XPO5: variants seen among roughly 807,000 people sequenced by gnomAD.
XPO5 encodes the protein exportin-5.
Under a neutral mutation model 160.6 loss-of-function variants are expected in XPO5, and 46 were observed. That is an observed-to-expected ratio of 0.29 (90% CI 0.23 to 0.37). The LOEUF (loss-of-function observed/expected upper bound fraction) is 0.37. Ranked by LOEUF, XPO5 falls within the 10% of genes least tolerant of loss-of-function variation. The pLI is 1.00. For synonymous variants in XPO5, 537 were observed against 519.3 expected (o/e 1.03, Z -0.46); for missense variants, 1,090 against 1,463.9 (o/e 0.74, Z 4.17).
rs368816283 is a variant in XPO5 at position 43,568,587 on chromosome 6, C to G, written c.648+124G>C. On this transcript the variant is annotated intron_variant, in intron 6 of 31. Coordinates refer to ENST00000265351, the MANE Select transcript of XPO5 (RefSeq NM_020750.3). Reference sequence around the variant, plus strand: ...CACAACTGCACTCCAGCCTGGGCAACAGTAAGACCTGTCTCCAAAACAATA... The same window carrying G: ...CACAACTGCACTCCAGCCTGGGCAAGAGTAAGACCTGTCTCCAAAACAATA... 1.6e-4 allele frequency: 131 copies of G among 842,546 alleles called. 1 individual carries two copies. The highest frequency in any genetic ancestry group is 1.2e-3 in the South Asian group (48 of 38,672). The allele number at this position is 842,546 out of a possible 1,614,324, so 52.2% of individuals were successfully genotyped here.
intron 11 of XPO5, 50 bp from the exon 12 acceptor site, chr6:43,558,641 A>G: frequency 1.4e-6 from 2 of 1,396,028 alleles, no homozygotes; most frequent in Non-Finnish European, 1.9e-6. Context: ...GACCCACTGA[A>G]AGAGTTTTTA....
intron 20 of XPO5, among the ~76,000 whole-genome samples, chr6:43,537,321 T>C (rs1369761873): frequency 1.3e-5 from 2 of 152,150 alleles, no homozygotes; most frequent in African/African-American, 2.4e-5. Context: ...CTGTAATACA[T>C]ACCTGGGAGT....
chr6:43,562,421 T>G, intron 8 of XPO5, 75 bp from the exon 9 acceptor site: 1 of 1,104,180 alleles, frequency 9.1e-7, no homozygotes, highest in Non-Finnish European at 1.3e-6. Flanking sequence ...TGTGTCTCAT[T>G]TCTCCAAGTC....
intron 1 of XPO5, among the ~76,000 whole-genome samples, chr6:43,574,355 A>G (rs886064531): frequency 1.3e-5 from 2 of 151,816 alleles, no homozygotes; most frequent in African/African-American, 4.8e-5. Flanking sequence ...ACCTAGATCA[A>G]TATTATGTGG....
intron 17 of XPO5, among the ~76,000 whole-genome samples, 185 bp from the exon 18 acceptor site, chr6:43,548,645 A>G (rs1795079554): frequency 6.6e-6 from 1 of 151,996 alleles, no homozygotes; most frequent in Non-Finnish European, 1.5e-5. Context: ...ATTTAGGCGG[A>G]AGATAGCTCT....
At chr6:43,572,637 A>T (rs1419280522) in intron 2 of XPO5, 59 bp from the exon 3 acceptor site, 17 of 1,501,100 alleles carry the variant, frequency 1.1e-5, no homozygotes, top group Non-Finnish European at 1.4e-5. Flanking sequence ...TCTTTACAAG[A>T]GAATAGCATG....
intron 8 of XPO5, 151 bp from the exon 9 acceptor site, chr6:43,562,497 CT>C: frequency 1.6e-6 from 1 of 627,790 alleles, no homozygotes; most frequent in East Asian, 2.9e-5. Context: ...TTTTTAAAAT[CT>C]TTTTAACTTA....
At chr6:43,536,790 A>AAAAAAG (rs1794357352) in intron 20 of XPO5, among the ~76,000 whole-genome samples, 1 of 133,842 alleles carries the variant, frequency 7.5e-6, no homozygotes, top group African/African-American at 2.8e-5. Flanking sequence ...AAAAAAAAAA[A>AAAAAAG]GCAGCTTTAC....
Position 43,523,876 on chromosome 6 carries a change from C to A in XPO5, c.3607G>T (p.Glu1203Ter). 6.2e-7 allele frequency: 1 copy of A among 1,613,982 alleles called. No homozygotes were observed. The highest frequency in any genetic ancestry group is 8.5e-7 in the Non-Finnish European group (1 of 1,179,898). Residue 1203 changes from glutamate to a stop codon, truncating the protein, a stop_gained, in exon 32 of 32, where the codon GAA (glutamate) becomes TAA (stop). Coordinates refer to ENST00000265351, the MANE Select transcript of XPO5 (RefSeq NM_020750.3). LOFTEE classifies it high-confidence loss of function. ...ATGCCCAAAAGCTTGATTCAGGGTT[C>A]AAAGATGGTGGCCAGGCCACCCCCA... ...NDGGGLATIF[E>*]P
In XPO5 at chr6:43,570,698, A is replaced by AAT. The variant is rs1162426766; in HGVS notation, c.439-16_439-15dup. ...TGTCTGTGTTTCCTACACCAATAGA[A>AAT]ATAAGCTAGTTAAAAACTAAAATAT... On this transcript the variant is annotated splice_polypyrimidine_tract_variant and intron_variant, in intron 4 of 31. Coordinates refer to ENST00000265351, the MANE Select transcript of XPO5 (RefSeq NM_020750.3). 55 of 1,577,920 alleles carry AAT rather than the reference A, an allele frequency of 3.5e-5. No individual in the cohort carries two copies. Among genetic ancestry groups the AAT allele is most frequent in the Non-Finnish European group, 4.6e-5 (54 of 1,165,062 alleles).
At chr6:43,548,617 G>T in intron 17 of XPO5, 157 bp from the exon 18 acceptor site, 1 of 605,228 alleles carries the variant, frequency 1.7e-6, no homozygotes, top group Non-Finnish European at 2.5e-6. Context: ...TCTTTATTTT[G>T]CCTAAATAAG....
At chr6:43,574,368 C>A (rs1019080344) in intron 1 of XPO5, among the ~76,000 whole-genome samples, 5 of 151,616 alleles carry the variant, frequency 3.3e-5, no homozygotes, top group Non-Finnish European at 5.9e-5. Flanking sequence ...TTATGTGGAT[C>A]TCCAAGCACA....
intron 20 of XPO5, chr6:43,539,752 GTT>G (rs1326057703): frequency 1.3e-5 from 8 of 602,146 alleles, no homozygotes; most frequent in Non-Finnish European, 2.3e-5. Flanking sequence ...CTTGGGAATA[GTT>G]TGTCTAAGAG....
intron 5 of XPO5, among the ~76,000 whole-genome samples, 200 bp from the exon 6 acceptor site, chr6:43,568,937 A>C (rs1762845436): frequency 6.6e-6 from 1 of 152,282 alleles, no homozygotes; most frequent in Admixed American, 6.5e-5. Flanking sequence ...AGCATAATTA[A>C]ATGAATACAA....
Position 43,530,683 on chromosome 6 carries a change from G to C in XPO5, c.2677+5C>G. On this transcript the variant is annotated splice_donor_5th_base_variant and intron_variant, in intron 23 of 31. Transcript: ENST00000265351. The stretch of plus-strand genomic sequence containing the variant: ...TGGGTTATGTAGAGACTTTTGAAAG[G>C]ATATGAAGCATGGGTCTGAGTCGGT... 1 of 1,613,188 alleles carries C rather than the reference G, an allele frequency of 6.2e-7. No homozygotes were observed. Among genetic ancestry groups the C allele is most frequent in the Non-Finnish European group, 8.5e-7 (1 of 1,179,688 alleles).
intron 21 of XPO5, chr6:43,533,308 T>A (rs1794119658): frequency 1.3e-5 from 2 of 150,912 alleles, no homozygotes; most frequent in Admixed American, 6.6e-5. Context: ...TTAAAGGCCA[T>A]GATTTATTTA....
intron 11 of XPO5, 135 bp from the exon 12 acceptor site, chr6:43,558,726 C>T (rs1762247019): frequency 1.6e-6 from 1 of 623,842 alleles, no homozygotes. Flanking sequence ...GGTAAATATC[C>T]ACTTCAGTTC....
Position 43,549,956 on chromosome 6 carries a change from G to T in XPO5, c.1729-22C>A, listed in dbSNP as rs1795148596. ...ATAGCTAAGGGAGAGGAGGAAAAAA[G>T]GTCACTCATGTTTATTTGTTTTAGA... On this transcript the variant is annotated intron_variant, in intron 15 of 31. Transcript: ENST00000265351. 3 of 1,610,064 alleles carry T rather than the reference G, an allele frequency of 1.9e-6. No homozygotes were observed. The East Asian group carries it at 6.7e-5, about 36-fold the overall frequency.
At chr6:43,564,722 C>T (rs972796982) in intron 8 of XPO5, among the ~76,000 whole-genome samples, 3 of 152,066 alleles carry the variant, frequency 2.0e-5, no homozygotes, top group Non-Finnish European at 4.4e-5. Flanking sequence ...CCACCTCAGC[C>T]TTCTGAGTAG....
Sources: allele counts gnomAD v4.1 joint callset (sites outside exome capture counted in the v4.1 genomes callset), GRCh38; gene constraint gnomAD v4.1.1; transcripts MANE v1.5; gene names NCBI Gene and HGNC (gene_info 2026-07-23, HGNC 2026-07-21).